FMO1: variants seen among roughly 807,000 people sequenced by gnomAD.
FMO1 encodes the protein flavin-containing monooxygenase 1.
A neutral mutation model predicts 45.4 loss-of-function variants in FMO1; 36 were observed. The ratio of observed to expected loss-of-function variants is 0.79; its 90% confidence interval spans 0.61 to 1.05. FMO1 has a LOEUF of 1.05. FMO1 is among the 50% of genes least tolerant of loss of function. The pLI, the probability that FMO1 is intolerant of heterozygous loss-of-function variation, is 0.00. For missense variants in FMO1, 615 were observed against 640.3 expected (o/e 0.96, Z 0.43); for synonymous variants, 228 against 227.2 (o/e 1.00, Z -0.03).
At chr1:171,257,459 C>T (rs1461041229) in intron 1 of FMO1, among the ~76,000 whole-genome samples, 1 of 152,164 alleles carries the variant, frequency 6.6e-6, no homozygotes, top group Non-Finnish European at 1.5e-5. Context: ...CACCCTCTCT[C>T]TCTCCCACTG....
chr1:171,272,987 G>A (rs1188564598), intron 3 of FMO1, among the ~76,000 whole-genome samples: 2 of 152,166 alleles, frequency 1.3e-5, no homozygotes, highest in Non-Finnish European at 2.9e-5. Flanking sequence ...AATATGGTTT[G>A]TCTGTGTCCC....
chr1:171,261,688 T>A (rs959315436), intron 2 of FMO1, among the ~76,000 whole-genome samples: 1 of 151,882 alleles, frequency 6.6e-6, no homozygotes, highest in Non-Finnish European at 1.5e-5. Context: ...GTTCAAGACC[T>A]GCCTGGGCAA....
rs1394490601 is a variant in FMO1, at chr1:171,282,120, A to C, written c.970A>C (p.Ile324Leu). The C allele has an allele frequency of 6.2e-7, 1 of 1,614,032 alleles. No homozygotes were observed. Among genetic ancestry groups the C allele is most frequent in the South Asian group, 1.1e-5 (1 of 91,086 alleles). The change falls in exon 7 of 9, where the codon ATC becomes CTC. Residue 324 changes from isoleucine to leucine, a missense_variant. By Grantham distance (5) the Ile-to-Leu change is conservative. Coordinates refer to ENST00000617670, the MANE Select transcript of FMO1 (RefSeq NM_001282693.2). ...TACTTCAAAGGAAGAGCCTATTGAC[A>C]TCATTGTCTTTGCCACTGGATACAC... ...NNTSKEEPIDIIVFATGYTFA... is the reference protein window; with the variant it reads ...NNTSKEEPIDLIVFATGYTFA...
At chr1:171,275,641 G>A (rs1233896684) in intron 4 of FMO1, 133 bp downstream of exon 4, 1 of 603,956 alleles carries the variant, frequency 1.7e-6, no homozygotes, top group Non-Finnish European at 2.7e-6. Flanking sequence ...GGCTTTTTTT[G>A]TTTTGTTTTG....
At chr1:171,251,016 G>A (rs1441039711) in intron 1 of FMO1, among the ~76,000 whole-genome samples, 2 of 152,170 alleles carry the variant, frequency 1.3e-5, no homozygotes, top group Non-Finnish European at 2.9e-5. Context: ...AGATATGGTT[G>A]AAGGCAACCT....
rs367627133 is a variant in FMO1 at position 171,276,492 on chromosome 1, C to T, written c.484+984C>T. Reference sequence around the variant, plus strand: ...GAAGACAACCCAATTTTTTGTCATTCTTGCCTGCAGAGCAAGGCTCTGAGC... The same window carrying T: ...GAAGACAACCCAATTTTTTGTCATTTTTGCCTGCAGAGCAAGGCTCTGAGC... On this transcript the variant is annotated intron_variant, in intron 4 of 8. Coordinates refer to ENST00000617670, the MANE Select transcript of FMO1 (RefSeq NM_001282693.2). 1.6e-4 allele frequency among the ~76,000 whole-genome samples: 24 copies of T among 152,324 alleles called. 1 individual carries two copies. The South Asian group carries it at 4.8e-3, about 30-fold the overall frequency.
chr1:171,268,255 T>A (rs1264248061), intron 3 of FMO1, among the ~76,000 whole-genome samples: 2 of 152,122 alleles, frequency 1.3e-5, no homozygotes, highest in Non-Finnish European at 2.9e-5. Flanking sequence ...CCCAGCTAGC[T>A]TTTTATATTT....
chr1:171,258,722 G>A (rs939998925), intron 2 of FMO1, among the ~76,000 whole-genome samples: 2 of 152,204 alleles, frequency 1.3e-5, no homozygotes, highest in Non-Finnish European at 2.9e-5. Context: ...GGCAATCCCA[G>A]TGCAGGCCAA....
At chr1:171,264,895 T>C (rs758396993) in intron 2 of FMO1, among the ~76,000 whole-genome samples, 6 of 150,690 alleles carry the variant, frequency 4.0e-5, no homozygotes, top group Non-Finnish European at 8.9e-5. Flanking sequence ...CGAGACTCCA[T>C]CTCAAAAAAA....
At chr1:171,267,077 TC>T (rs1660646504) in intron 2 of FMO1, among the ~76,000 whole-genome samples, 2 of 152,352 alleles carry the variant, frequency 1.3e-5, no homozygotes, top group African/African-American at 4.8e-5. Context: ...CCTTCTGGGT[TC>T]CAGCTATCAT....
intron 2 of FMO1, among the ~76,000 whole-genome samples, chr1:171,266,527 A>T (rs1473897342): frequency 6.6e-6 from 1 of 152,202 alleles, no homozygotes; most frequent in Admixed American, 6.5e-5. Context: ...CAATGAGATA[A>T]ATAACATTAA....
At chr1:171,261,777 G>T (rs2101805545) in intron 2 of FMO1, among the ~76,000 whole-genome samples, 1 of 152,230 alleles carries the variant, frequency 6.6e-6, no homozygotes, top group African/African-American at 2.4e-5. Flanking sequence ...GCATTTCATT[G>T]GATACTCACA....
chr1:171,275,558 T>A, intron 4 of FMO1, 50 bp downstream of exon 4: 1 of 1,356,396 alleles, frequency 7.4e-7, no homozygotes, highest in Non-Finnish European at 1.0e-6. Context: ...GGAGCCATTC[T>A]GATGCTTGAT....
At chr1:171,279,769 C>T (rs950774141) in intron 5 of FMO1, among the ~76,000 whole-genome samples, 10 of 152,168 alleles carry the variant, frequency 6.6e-5, no homozygotes, top group East Asian at 1.9e-4. Flanking sequence ...AAATTGCAGA[C>T]GTAGTAGCTC....
chr1:171,269,219 G>T (rs763878478), intron 3 of FMO1, among the ~76,000 whole-genome samples: 5 of 152,172 alleles, frequency 3.3e-5, no homozygotes, highest in Non-Finnish European at 7.3e-5. Flanking sequence ...ATCAAAAAAT[G>T]TAGAAGTGAC....
chr1:171,252,456 C>T (rs868634521), intron 1 of FMO1, among the ~76,000 whole-genome samples: 50 of 152,134 alleles, frequency 3.3e-4, no homozygotes, highest in African/African-American at 1.1e-3. Context: ...GGACCAACTG[C>T]CCTCGTCTCT....
At chr1:171,274,471 C>G (rs1661019581) in intron 3 of FMO1, among the ~76,000 whole-genome samples, 1 of 151,632 alleles carries the variant, frequency 6.6e-6, no homozygotes, top group Non-Finnish European at 1.5e-5. Context: ...GCCATGTTGC[C>G]CAGGCTACAT....
intron 2 of FMO1, among the ~76,000 whole-genome samples, chr1:171,265,735 GT>G (rs1660592806): frequency 6.6e-6 from 1 of 152,126 alleles, no homozygotes; most frequent in South Asian, 2.1e-4. Context: ...ACTATTTAAG[GT>G]TTTTAATATG....
At chr1:171,279,067 C>T (rs539831640) in intron 5 of FMO1, among the ~76,000 whole-genome samples, 196 bp downstream of exon 5, 50 of 151,482 alleles carry the variant, frequency 3.3e-4, no homozygotes, top group African/African-American at 1.1e-3. Context: ...CCTCCAAAAC[C>T]AACTTCTCTG....
Sources: gnomAD v4.1 joint callset for allele counts (sites outside exome capture counted in the v4.1 genomes callset) on GRCh38, gnomAD v4.1.1 for gene constraint, MANE v1.5 for transcripts, NCBI Gene and HGNC (gene_info 2026-07-23, HGNC 2026-07-21) for gene names.